RSF1: variants seen among roughly 807,000 people sequenced by gnomAD.
RSF1 encodes the protein HBV pX-associated protein 8.
In RSF1, 13 loss-of-function variants were observed where a neutral mutation model predicts 145.2. The observed-to-expected ratio is 0.09, with a 90% CI of 0.06 to 0.14. The LOEUF (loss-of-function observed/expected upper bound fraction) is 0.14, where lower values mean the gene tolerates loss of function less well. RSF1 is among the 10% of genes least tolerant of loss of function. RSF1 has a pLI of 1.00. For missense variants in RSF1, 1,517 were observed against 1,718.2 expected (o/e 0.88, Z 2.07); for synonymous variants, 577 against 592.6 (o/e 0.97, Z 0.38).
At chr11:77,722,676 A>T (rs1028556303) in intron 5 of RSF1, among the ~76,000 whole-genome samples, 1 of 152,244 alleles carries the variant, frequency 6.6e-6, no homozygotes, top group Non-Finnish European at 1.5e-5. Flanking sequence ...TTAAAATAAT[A>T]ATAGTAGTTA....
intron 1 of RSF1, among the ~76,000 whole-genome samples, chr11:77,786,155 G>A (rs965263448): frequency 6.6e-6 from 1 of 151,964 alleles, no homozygotes; most frequent in Admixed American, 6.6e-5. Flanking sequence ...AAGTGGCAAG[G>A]CTAAGATTTC....
chr11:77,711,467 G>C (rs1960682594), intron 5 of RSF1, among the ~76,000 whole-genome samples: 2 of 151,974 alleles, frequency 1.3e-5, no homozygotes, highest in Admixed American at 6.5e-5. Context: ...AGGAGTTTGA[G>C]ACCAGCCTGG....
rs7113053 is a variant in RSF1 at position 77,789,719 on chromosome 11, A to C, written c.188-25030T>G. On this transcript the variant is annotated intron_variant, in intron 1 of 15. Coordinates refer to ENST00000308488, the MANE Select transcript of RSF1 (RefSeq NM_016578.4). ...GCCCAGGGCCTGGGGAATGCCCCGC[A>C]CCTGCCCACTACTGATTGTACCTGC... 2.0e-3 allele frequency among the ~76,000 whole-genome samples: 300 copies of C among 152,236 alleles called. 1 individual carries two copies. The highest frequency in any genetic ancestry group is 6.8e-3 in the African/African-American group (282 of 41,536).
chr11:77,767,965 T>C (rs899880674), intron 1 of RSF1, among the ~76,000 whole-genome samples: 6 of 152,052 alleles, frequency 3.9e-5, no homozygotes, highest in Admixed American at 2.6e-4. Context: ...CATGTACAAA[T>C]AGATTATGTA....
chr11:77,717,648 G>GA (rs1960847766), intron 5 of RSF1: 1 of 152,154 alleles, frequency 6.6e-6, no homozygotes, highest in Non-Finnish European at 1.5e-5. Context: ...ATTTATTAAT[G>GA]AACACATTGA....
intron 7 of RSF1, 148 bp from the exon 8 acceptor site, chr11:77,693,759 T>C (rs1384651872): frequency 2.3e-5 from 8 of 350,560 alleles, no homozygotes; most frequent in Middle Eastern, 7.4e-4. Flanking sequence ...TGATTAGGGA[T>C]CTGACATTTA....
chr11:77,733,337 G>A (rs957377471), intron 4 of RSF1, among the ~76,000 whole-genome samples: 3 of 147,246 alleles, frequency 2.0e-5, no homozygotes, highest in African/African-American at 7.8e-5. Context: ...TTTTTCATAT[G>A]AATACTGGCT....
chr11:77,725,709 GA>G lies in RSF1; in HGVS notation c.579-11del. Reference sequence around the variant, plus strand: ...CAACTCGTTTCGATTTCTAAACAAGGAAAAAAATAAGACAGCATAAAAACCT... The same window carrying G: ...CAACTCGTTTCGATTTCTAAACAAGGAAAAAATAAGACAGCATAAAAACCT... On this transcript the variant is annotated splice_polypyrimidine_tract_variant and intron_variant, in intron 4 of 15. Transcript: ENST00000308488. 19 of 1,555,030 alleles carry G rather than the reference GA, an allele frequency of 1.2e-5. No individual in the cohort carries two copies. The highest frequency in any genetic ancestry group is 2.0e-5 in the Admixed American group (1 of 51,118).
At chr11:77,871,855 C>CA in the RSF1 span, among the ~76,000 whole-genome samples, 1 of 152,168 alleles carries the variant, frequency 6.6e-6, no homozygotes, top group African/African-American at 2.4e-5. Flanking sequence ...GACATGAAAA[C>CA]AAAGACTCAG....
intron 1 of RSF1, among the ~76,000 whole-genome samples, chr11:77,782,166 A>C (rs1196077987): frequency 6.6e-6 from 1 of 152,190 alleles, no homozygotes; most frequent in Non-Finnish European, 1.5e-5. Context: ...AATCTCATTT[A>C]ATTTTAATTA....
intron 5 of RSF1, among the ~76,000 whole-genome samples, chr11:77,706,473 T>C (rs930180647): frequency 6.6e-6 from 1 of 152,066 alleles, no homozygotes; most frequent in Non-Finnish European, 1.5e-5. Context: ...AAATGGAGCA[T>C]GCAAAGTACT....
At chr11:77,792,138 A>C (rs1348165994) in intron 1 of RSF1, among the ~76,000 whole-genome samples, 1 of 152,126 alleles carries the variant, frequency 6.6e-6, no homozygotes, top group East Asian at 1.9e-4. Flanking sequence ...AGCAACTCAC[A>C]CACTATGTGG....
In RSF1 at chr11:77,725,680, C is replaced by A; in HGVS notation, c.598G>T (p.Glu200Ter). The change falls in exon 5 of 16, where the codon GAG becomes TAG. Residue 200 changes from glutamate to a stop codon, truncating the protein, a stop_gained. Transcript: ENST00000308488. LOFTEE classifies it high-confidence loss of function. Reference protein sequence around the residue: ...CIVRNRNELAETLALLKAQID... With the variant: ...CIVRNRNELA ...TGTGCTTTCAGGAGTGCAAGAGTCT[C>A]AGCCAACTCGTTTCGATTTCTAAAC... The A allele has an allele frequency of 1.3e-6, 2 of 1,574,946 alleles. No homozygotes were observed. The highest frequency in any genetic ancestry group is 8.6e-7 in the Non-Finnish European group (1 of 1,161,444).
chr11:77,788,541 T>C (rs147266765), intron 1 of RSF1, among the ~76,000 whole-genome samples: 2,290 of 131,722 alleles, frequency 0.017, 35 homozygotes, highest in Non-Finnish European at 0.027. Context: ...AATGTAACAA[T>C]GAAAACTAAA....
In RSF1 at chr11:77,701,064, G is replaced by T. The variant is rs757672316; in HGVS notation, c.2165C>A (p.Thr722Lys). 3 of 1,613,704 alleles carry T rather than the reference G, an allele frequency of 1.9e-6. No homozygotes were observed. Among genetic ancestry groups the T allele is most frequent in the East Asian group, 4.5e-5 (2 of 44,882 alleles). The part of the protein sequence containing the change: ...PEEETTASEN[T>K]EITSERQKEG... The stretch of plus-strand genomic sequence containing the variant: ...TTTCTGCCTTTCAGAGGTTATCTCT[G>T]TATTTTCTGAGGCAGTGGTTTCTTC... Residue 722 changes from threonine (T) to lysine (K), a missense_variant, in exon 6 of 16, where the codon ACA becomes AAA. By Grantham distance (78) the Thr-to-Lys change is moderately conservative. This residue lies in a region of RSF1 where 579 missense variants were observed against 553.5 expected (regional missense o/e 1.05). Coordinates refer to ENST00000308488, the MANE Select transcript of RSF1 (RefSeq NM_016578.4).
chr11:77,785,925 CAAA>C (rs10661397), intron 1 of RSF1, among the ~76,000 whole-genome samples: 152 of 37,066 alleles, frequency 4.1e-3, no homozygotes, highest in African/African-American at 0.014. Flanking sequence ...GATTCTGTCT[CAAA>C]AAAAAAAAAA....
At chr11:77,741,399 C>A (rs1288801486) in intron 3 of RSF1, among the ~76,000 whole-genome samples, 1 of 151,974 alleles carries the variant, frequency 6.6e-6, no homozygotes, top group African/African-American at 2.4e-5. Flanking sequence ...AAAAATTGGC[C>A]AGGTATGGTG....
chr11:77,762,027 C>CTTTTCTTTT (rs1948178767), intron 2 of RSF1: 1 of 58,756 alleles, frequency 1.7e-5, no homozygotes, highest in Non-Finnish European at 3.0e-5. Flanking sequence ...CTTTTCTTTT[C>CTTTTCTTTT]TTTTTTTTTT....
intron 5 of RSF1, among the ~76,000 whole-genome samples, chr11:77,724,102 A>G (rs1355399081): frequency 6.6e-6 from 1 of 152,248 alleles, no homozygotes; most frequent in Non-Finnish European, 1.5e-5. Context: ...AAACTTGAAT[A>G]AACATTTTTC....
Sources: gnomAD v4.1 joint callset for allele counts (sites outside exome capture counted in the v4.1 genomes callset) on GRCh38, gnomAD v4.1.1 for gene constraint, gnomAD v4.1.1 regional missense constraint, MANE v1.5 for transcripts, NCBI Gene and HGNC (gene_info 2026-07-23, HGNC 2026-07-21) for gene names.